MRPS35: variants seen among roughly 807,000 people sequenced by gnomAD.
MRPS35 encodes mitochondrial ribosomal protein S35.
MRPS35 carries 29 observed loss-of-function variants against 32.7 expected under a neutral mutation model. The ratio of observed to expected loss-of-function variants is 0.89; its 90% CI spans 0.66 to 1.21. MRPS35 has a LOEUF of 1.21. Ranked by LOEUF, MRPS35 falls within the 50% of genes most tolerant of loss-of-function variation. The probability of loss-of-function intolerance (pLI) is 0.00; values close to 1 mark genes in which losing one functional copy is unlikely to be tolerated. For synonymous variants in MRPS35, 148 were observed against 139.3 expected (o/e 1.06, Z -0.44); for missense variants, 373 against 383.8 (o/e 0.97, Z 0.23).
At chr12:27,721,516 G>C (rs1489443671) in intron 4 of MRPS35, among the ~76,000 whole-genome samples, 1 of 152,182 alleles carries the variant, frequency 6.6e-6, no homozygotes, top group South Asian at 2.1e-4. Flanking sequence ...AAAATTAGCC[G>C]GGTGTGGTGG....
Position 27,723,812 on chromosome 12 carries a change from C to G in MRPS35, c.383-235C>G, listed in dbSNP as rs999087216. Among the ~76,000 whole-genome samples, 6 of 152,234 alleles carry G rather than the reference C, an allele frequency of 3.9e-5. 1 individual carries two copies. Among genetic ancestry groups the G allele is most frequent in the African/African-American group, 1.4e-4 (6 of 41,546 alleles). On this transcript the variant is annotated intron_variant, in intron 4 of 7. Coordinates refer to ENST00000081029, the MANE Select transcript of MRPS35 (RefSeq NM_021821.4). ...ACAGTTCCCTTTTAACTGAAAATAC[C>G]ATTACCACCAAACCTGAAATATCCA...
intron 7 of MRPS35, among the ~76,000 whole-genome samples, chr12:27,742,110 C>T (rs566424888): frequency 8.7e-4 from 132 of 152,206 alleles, no homozygotes; most frequent in African/African-American, 3.0e-3. Context: ...TTAAAAATTT[C>T]TAAGTTGGAG....
intron 6 of MRPS35, among the ~76,000 whole-genome samples, chr12:27,736,178 G>C (rs554532236): frequency 6.6e-6 from 1 of 152,280 alleles, no homozygotes; most frequent in African/African-American, 2.4e-5. Context: ...TTAGAGATAA[G>C]TTAAGTGGGC....
intron 6 of MRPS35, 137 bp downstream of exon 6, chr12:27,735,693 AT>A: frequency 1.5e-6 from 1 of 652,134 alleles, no homozygotes; most frequent in East Asian, 3.0e-5. Flanking sequence ...GAGTTCTCTA[AT>A]TCATATTTTT....
chr12:27,743,591 G>C (rs570230377), intron 7 of MRPS35, among the ~76,000 whole-genome samples: 1 of 152,242 alleles, frequency 6.6e-6, no homozygotes, highest in Non-Finnish European at 1.5e-5. Flanking sequence ...TGGGTTGCTG[G>C]ATATGAAAGT....
In MRPS35 at chr12:27,733,030, A is replaced by ATCTATCTATCTATCTATC. The variant is rs1466448196; in HGVS notation, c.523-2416_523-2415insCTATCTATCTATCTATCT. Among the ~76,000 whole-genome samples the ATCTATCTATCTATCTATC allele has an allele frequency of 3.2e-5, 4 of 123,210 alleles. No individual in the cohort carries two copies. In the East Asian group the frequency reaches 1.1e-3, roughly 33 times the overall value. 80.8% of individuals were successfully genotyped at this position (123,210 alleles called of 152,430 possible). On this transcript the variant is annotated intron_variant, in intron 5 of 7. Coordinates refer to ENST00000081029, the MANE Select transcript of MRPS35 (RefSeq NM_021821.4). ...TATATATATATATATATATATATAT[A>ATCTATCTATCTATCTATC]TATATATATATCCAGCACCTCCTGT...
chr12:27,714,316 A>C (rs931390591), intron 1 of MRPS35, among the ~76,000 whole-genome samples: 1 of 152,050 alleles, frequency 6.6e-6, no homozygotes, highest in African/African-American at 2.4e-5. Context: ...GGCTAGGCAC[A>C]GTGGCTCACA....
chr12:27,729,740 GTGC>G (rs1359927702), intron 5 of MRPS35, among the ~76,000 whole-genome samples: 1 of 152,100 alleles, frequency 6.6e-6, no homozygotes, highest in African/African-American at 2.4e-5. Flanking sequence ...CTGATTTGCT[GTGC>G]TAGAATTTTA....
chr12:27,722,709 T>C (rs1391594830), intron 4 of MRPS35, among the ~76,000 whole-genome samples: 5 of 152,200 alleles, frequency 3.3e-5, no homozygotes, highest in Non-Finnish European at 5.9e-5. Flanking sequence ...GTTACAATGA[T>C]GTTAATTGCA....
At chr12:27,745,764 G>A (rs2061980198) in intron 7 of MRPS35, among the ~76,000 whole-genome samples, 1 of 149,778 alleles carries the variant, frequency 6.7e-6, no homozygotes, top group African/African-American at 2.5e-5. Flanking sequence ...CCTTTCCTGT[G>A]TCCCTGTGTT....
chr12:27,733,038 A>ATATCTATATC (rs1565468140), intron 5 of MRPS35, among the ~76,000 whole-genome samples: 2 of 76,122 alleles, frequency 2.6e-5, no homozygotes, highest in South Asian at 9.1e-4. Flanking sequence ...ATATATATAT[A>ATATCTATATC]TATCCAGCAC....
chr12:27,720,339 AG>A (rs1457367397), intron 4 of MRPS35, among the ~76,000 whole-genome samples: 3 of 150,646 alleles, frequency 2.0e-5, no homozygotes, highest in Non-Finnish European at 4.4e-5. Context: ...GGTTGTGGTG[AG>A]TTTAAATCGC....
intron 1 of MRPS35, among the ~76,000 whole-genome samples, chr12:27,713,862 T>G (rs1593462089): frequency 6.6e-6 from 1 of 151,524 alleles, no homozygotes; most frequent in African/African-American, 2.4e-5. Flanking sequence ...CTGAGGTGGG[T>G]GGATCGCTGG....
intron 1 of MRPS35, 100 bp from the exon 2 acceptor site, chr12:27,714,680 C>A: frequency 1.0e-5 from 8 of 797,248 alleles, no homozygotes; most frequent in South Asian, 4.0e-5. Flanking sequence ...TTACTAAATA[C>A]CTTAAATTGT....
In MRPS35 at chr12:27,711,449, C is replaced by A. The variant is rs114493464; in HGVS notation, c.112+494C>A. Reference sequence around the variant, plus strand: ...GTAGGGATGCTTGATAGCGTGCTTACCCCGGAGGACTCTAGTGGAAAATAC... The same window carrying A: ...GTAGGGATGCTTGATAGCGTGCTTAACCCGGAGGACTCTAGTGGAAAATAC... On this transcript the variant is annotated intron_variant, in intron 1 of 7. Transcript: ENST00000081029. Among the ~76,000 whole-genome samples, 583 of 152,280 alleles carry A rather than the reference C, an allele frequency of 3.8e-3. 2 individuals carry two copies. The highest frequency in any genetic ancestry group is 0.013 in the African/African-American group (551 of 41,554).
At chr12:27,740,209 GA>G (rs2061958566) in intron 7 of MRPS35, among the ~76,000 whole-genome samples, 1 of 150,850 alleles carries the variant, frequency 6.6e-6, no homozygotes, top group Non-Finnish European at 1.5e-5. Context: ...TCCATTGCTT[GA>G]TTTTTTTTAT....
chr12:27,716,604 G>A, intron 3 of MRPS35, 146 bp downstream of exon 3: 2 of 728,522 alleles, frequency 2.7e-6, no homozygotes, highest in South Asian at 4.1e-5. Flanking sequence ...AATATAATAG[G>A]TTTATTATTA....
At position 27,710,861 on chromosome 12, in the gene MRPS35, C is replaced by A; in HGVS notation, c.18C>A (p.Leu6=). The A allele has an allele frequency of 6.2e-7, 1 of 1,609,020 alleles. No individual in the cohort carries two copies. Among genetic ancestry groups the A allele is most frequent in the South Asian group, 1.1e-5 (1 of 91,026 alleles). The change falls in exon 1 of 8, where the codon CTC becomes CTA. Residue 6 remains leucine (L), a synonymous_variant. Transcript: ENST00000081029. MAAAA[L]PAWLSLQSRA... is the part of the protein sequence containing the mutation. ...TCGCAGCCATGGCGGCCGCCGCGCT[C>A]CCAGCATGGCTGTCTCTGCAGTCGA...
chr12:27,727,383 C>T (rs1352232099), intron 5 of MRPS35, among the ~76,000 whole-genome samples: 1 of 152,054 alleles, frequency 6.6e-6, no homozygotes, highest in Non-Finnish European at 1.5e-5. Context: ...TTTCACTGCA[C>T]TTTTTCTATG....
Sources: allele counts gnomAD v4.1 joint callset (sites outside exome capture counted in the v4.1 genomes callset), GRCh38; gene constraint gnomAD v4.1.1; transcripts MANE v1.5; gene names NCBI Gene and HGNC (gene_info 2026-07-23, HGNC 2026-07-21).